PRXL2A: variants seen among roughly 807,000 people sequenced by gnomAD.
PRXL2A encodes peroxiredoxin like 2A, also known as peroxiredoxin-like 2A.
Under a neutral mutation model 25.6 loss-of-function variants are expected in PRXL2A, and 26 were observed. That is an observed-to-expected ratio of 1.02 (90% CI 0.74 to 1.41). The LOEUF (loss-of-function observed/expected upper bound fraction) is 1.41. Ranked by LOEUF, PRXL2A falls within the 40% of genes most tolerant of loss-of-function variation. The pLI, the probability that PRXL2A is intolerant of heterozygous loss-of-function variation, is 0.00. For missense variants in PRXL2A, 246 were observed against 273.9 expected, an observed-to-expected ratio of 0.90 and a Z score of 0.72; for synonymous variants, 98 against 102.9, an observed-to-expected ratio of 0.95 and a Z score of 0.29.
intron 4 of PRXL2A, among the ~76,000 whole-genome samples, chr10:80,426,501 TATG>T (rs1845047597): frequency 6.6e-6 from 1 of 152,174 alleles, no homozygotes; most frequent in African/African-American, 2.4e-5. Context: ...TATTTCAACT[TATG>T]ATGGGTTTGT....
chr10:80,422,420 C>T lies in PRXL2A; in HGVS notation c.182C>T (p.Pro61Leu). ...ATTTCTTTTTTTCCTCTCTTAGAAC[C>T]AAGGACTTTCAAAGCAAAGGAGCTA... is the stretch of plus-strand genomic sequence containing the variant. Reference protein sequence around the residue: ...DIDLKTLEKEPRTFKAKELWE... With the variant: ...DIDLKTLEKELRTFKAKELWE... Residue 61 changes from proline (P) to leucine (L), a missense_variant, in exon 3 of 6, where the codon CCA becomes CTA. Coordinates refer to ENST00000606162, the MANE Select transcript of PRXL2A (RefSeq NM_032333.5). The T allele has an allele frequency of 1.9e-6, 3 of 1,613,302 alleles. No homozygotes were observed. The highest frequency in any genetic ancestry group is 2.5e-6 in the Non-Finnish European group (3 of 1,179,358).
At chr10:80,421,657 T>A (rs879805219) in intron 2 of PRXL2A, among the ~76,000 whole-genome samples, 7 of 152,088 alleles carry the variant, frequency 4.6e-5, no homozygotes, top group Non-Finnish European at 8.8e-5. Flanking sequence ...CCCCATTTTT[T>A]TTTTTTCCAC....
At chr10:80,420,434 G>A (rs1009092097) in intron 1 of PRXL2A, 32 bp from the exon 2 acceptor site, 7 of 1,536,108 alleles carry the variant, frequency 4.6e-6, no homozygotes, top group Non-Finnish European at 5.3e-6. Context: ...TGTGGGAGCA[G>A]TAACGCCTTC....
In PRXL2A at chr10:80,431,971, CTT is replaced by C. The variant is rs761558779; in HGVS notation, c.577-14_577-13del. On this transcript the variant is annotated splice_polypyrimidine_tract_variant and intron_variant, in intron 5 of 5. Transcript: ENST00000606162. ...TTTAGGATGAGGACTGACATTATCT[CTT>C]GTTTCCTTTTAGGGCATTCTTCTTG... 7.6e-6 allele frequency: 12 copies of C among 1,573,366 alleles called. No individual in the cohort carries two copies. Among genetic ancestry groups the C allele is most frequent in the East Asian group, 6.7e-5 (3 of 44,632 alleles).
At chr10:80,415,742 A>G (rs1844636636) in intron 1 of PRXL2A, among the ~76,000 whole-genome samples, 1 of 152,238 alleles carries the variant, frequency 6.6e-6, no homozygotes, top group African/African-American at 2.4e-5. Flanking sequence ...TTGGAAATAA[A>G]TGTTGAGTCT....
At chr10:80,408,488 G>C (rs1264820235), upstream of PRXL2A, 1 of 152,406 alleles carries the variant, frequency 6.6e-6, no homozygotes, top group Non-Finnish European at 1.5e-5. Flanking sequence ...GGCGGGGCGG[G>C]TCACATGGCG....
At position 80,427,466 on chromosome 10, in the gene PRXL2A, G is replaced by C; in HGVS notation, c.546G>C (p.Gly182=). 6.2e-7 allele frequency: 1 copy of C among 1,614,130 alleles called. No individual in the cohort carries two copies. The highest frequency in any genetic ancestry group is 8.5e-7 in the Non-Finnish European group (1 of 1,180,010). ...GNLEGEGFIL[G]GVFVVGSGKQ... ...TGGAAGGAGAAGGCTTCATCCTTGG[G>C]GGAGTTTTCGTGGTGGGATCAGGAA... is the stretch of plus-strand genomic sequence containing the variant. Residue 182 remains glycine, a synonymous_variant, in exon 5 of 6, where the codon GGG becomes GGC. Coordinates refer to ENST00000606162, the MANE Select transcript of PRXL2A (RefSeq NM_032333.5).
intron 5 of PRXL2A, among the ~76,000 whole-genome samples, chr10:80,428,694 G>A (rs536553202): frequency 6.6e-6 from 1 of 152,146 alleles, no homozygotes; most frequent in African/African-American, 2.4e-5. Flanking sequence ...TGAGGGAAGG[G>A]TATGGGAGAA....
intron 1 of PRXL2A, among the ~76,000 whole-genome samples, chr10:80,410,926 G>A (rs368180063): frequency 8.5e-5 from 13 of 152,202 alleles, no homozygotes; most frequent in Non-Finnish European, 1.8e-4. Context: ...CCTGAGATAC[G>A]CCCAAGAGTG....
In PRXL2A at chr10:80,432,224, A is replaced by G; in HGVS notation, c.*125A>G. On this transcript the variant is annotated 3_prime_UTR_variant, in exon 6 of 6. Transcript: ENST00000606162. The stretch of plus-strand genomic sequence containing the variant: ...TTATACTCTACTCTCAGTATGGATT[A>G]TTAATGTATTTTAATATTCTGTTTA... The G allele has an allele frequency of 1.7e-6, 1 of 596,666 alleles. No individual in the cohort carries two copies. The highest frequency in any genetic ancestry group is 2.9e-6 in the Non-Finnish European group (1 of 344,444). The allele number at this position is 596,666 out of a possible 1,614,324, so 37.0% of individuals were successfully genotyped here. A position where few individuals can be genotyped will look rare whatever the true frequency, so the allele number is the denominator to read the frequency against.
At chr10:80,418,592 C>T (rs1173585570) in intron 1 of PRXL2A, among the ~76,000 whole-genome samples, 1 of 152,096 alleles carries the variant, frequency 6.6e-6, no homozygotes, top group Non-Finnish European at 1.5e-5. Flanking sequence ...GTCAGAGGTT[C>T]GATGGGCTGG....
intron 1 of PRXL2A, chr10:80,408,925 G>A: frequency 3.6e-6 from 2 of 550,038 alleles, no homozygotes; most frequent in Non-Finnish European, 4.6e-6. Flanking sequence ...TGCTGCGGCG[G>A]GCTAGGGCCC....
At chr10:80,429,611 T>TGCCCTGCCCC (rs1845176576) in intron 5 of PRXL2A, among the ~76,000 whole-genome samples, 1 of 60,970 alleles carries the variant, frequency 1.6e-5, no homozygotes, top group Admixed American at 2.1e-4. Context: ...TGCCCTGCCC[T>TGCCCTGCCCC]GCCCCTAGCC....
At chr10:80,409,684 A>G (rs1433122004) in intron 1 of PRXL2A, among the ~76,000 whole-genome samples, 4 of 152,124 alleles carry the variant, frequency 2.6e-5, no homozygotes, top group Non-Finnish European at 4.4e-5. Context: ...TCGTTACCAT[A>G]CTCATTCATC....
At chr10:80,415,913 A>C (rs1185489538) in intron 1 of PRXL2A, among the ~76,000 whole-genome samples, 1 of 152,226 alleles carries the variant, frequency 6.6e-6, no homozygotes, top group Non-Finnish European at 1.5e-5. Context: ...GATGTGTCCT[A>C]GGAGTCAGAG....
chr10:80,417,462 TTGTC>T (rs1250160094), intron 1 of PRXL2A, among the ~76,000 whole-genome samples: 22 of 152,154 alleles, frequency 1.4e-4, no homozygotes, highest in African/African-American at 4.1e-4. Context: ...CAATTGGAGT[TTGTC>T]TGGCTTTCCC....
intron 1 of PRXL2A, chr10:80,409,019 C>A: frequency 5.1e-6 from 5 of 985,138 alleles, no homozygotes; most frequent in Non-Finnish European, 6.0e-6. Flanking sequence ...GAGGAGAGGG[C>A]CCTGCCCTGG....
chr10:80,424,582 AAG>A (rs1554852756), intron 3 of PRXL2A, among the ~76,000 whole-genome samples: 1 of 147,208 alleles, frequency 6.8e-6, no homozygotes, highest in Non-Finnish European at 1.5e-5. Flanking sequence ...AAAAAAAAAA[AAG>A]GCCAGGTGCA....
chr10:80,419,819 A>G (rs1031851606), intron 1 of PRXL2A, among the ~76,000 whole-genome samples: 2 of 152,172 alleles, frequency 1.3e-5, no homozygotes, highest in Non-Finnish European at 2.9e-5. Flanking sequence ...TTGTTTTTAT[A>G]TAAGGGAGAA....
Sources: gnomAD v4.1 joint callset for allele counts (sites outside exome capture counted in the v4.1 genomes callset) on GRCh38, gnomAD v4.1.1 for gene constraint, MANE v1.5 for transcripts, NCBI Gene and HGNC (gene_info 2026-07-23, HGNC 2026-07-21) for gene names.